The following COL18A1 variants were observed in gnomAD, a reference collection of about 807,000 sequenced individuals.
COL18A1 encodes collagen type XVIII alpha 1 chain, also known as collagen alpha-1(XVIII) chain.
In COL18A1, 133 loss-of-function variants were observed where a neutral mutation model predicts 168.0. That is an observed-to-expected ratio of 0.79 (90% CI 0.69 to 0.91). The LOEUF is 0.91. Ranked by LOEUF, COL18A1 falls within the 40% of genes least tolerant of loss-of-function variation. COL18A1 has a pLI of 0.00. For synonymous variants in COL18A1, 949 were observed against 809.0 expected, an observed-to-expected ratio of 1.17 and a Z score of -2.94; for missense variants, 2,126 against 1,925.4, an observed-to-expected ratio of 1.10 and a Z score of -1.95.
At chr21:45,441,576 C>T (rs973908066) in intron 2 of COL18A1, among the ~76,000 whole-genome samples, 8 of 152,188 alleles carry the variant, frequency 5.3e-5, no homozygotes, top group Non-Finnish European at 1.0e-4. Flanking sequence ...GTTCCCGTCC[C>T]GGGCTGTTCA....
chr21:45,405,320 C>CCTGCGGGGGTCCTGCGG lies in COL18A1; in HGVS notation c.12-59_12-58insCTGCGGGGGTCCTGCGG, dbSNP rs1569270282. Reference sequence around the variant, plus strand: ...GGTCGCGGGGGTCGCGGGGCTCGGCCGGGTCCTGCGGGGGTCGCGGGGGTC... The same window carrying CCTGCGGGGGTCCTGCGG: ...GGTCGCGGGGGTCGCGGGGCTCGGCCCTGCGGGGGTCCTGCGGGGGTCCTGCGGGGGTCGCGGGGGTC... On this transcript the variant is annotated intron_variant, in intron 1 of 41. Transcript: ENST00000651438. 1.4e-3 allele frequency: 553 copies of CCTGCGGGGGTCCTGCGG among 385,564 alleles called. 6 individuals are homozygous for CCTGCGGGGGTCCTGCGG. The African/African-American group carries it at 0.021, about 15-fold the overall frequency. 23.9% of individuals were successfully genotyped at this position (385,564 alleles called of 1,614,324 possible). A position where few individuals can be genotyped will look rare whatever the true frequency, so the allele number is the denominator to read the frequency against.
Position 45,458,807 on chromosome 21 carries a change from AG to A in COL18A1, c.107-9434del, listed in dbSNP as rs1171016828. 5.8e-4 allele frequency among the ~76,000 whole-genome samples: 88 copies of A among 152,142 alleles called. 1 individual carries two copies. The highest frequency in any genetic ancestry group is 3.4e-3 in the Middle Eastern group (1 of 294). ...AGGCCTGCACACCTGACCCTGCCCT[AG>A]CCCTGCCAGCCCGAGACTGTCTGGG... On this transcript the variant is annotated intron_variant, in intron 2 of 41. Coordinates refer to ENST00000651438, the MANE Select transcript of COL18A1 (RefSeq NM_001379500.1).
intron 2 of COL18A1, among the ~76,000 whole-genome samples, chr21:45,461,414 T>C (rs770429711): frequency 5.3e-5 from 8 of 151,834 alleles, no homozygotes; most frequent in Non-Finnish European, 5.9e-5. Context: ...CTGTGCCCCA[T>C]TGCACCCCAC....
chr21:45,498,661 G>A lies in COL18A1; in HGVS notation c.2683+1000G>A, dbSNP rs946336947. On this transcript the variant is annotated intron_variant, in intron 32 of 41. Transcript: ENST00000651438. This position sits in a 1 kb window ranked among gnomAD's most constrained non-coding sequence, Gnocchi z 4.5. Reference sequence around the variant, plus strand: ...AAGCAAGCGGGAAGATGGAAGATGTGCCCATGCCAGCCTTGGATCTCTCAG... The same window carrying A: ...AAGCAAGCGGGAAGATGGAAGATGTACCCATGCCAGCCTTGGATCTCTCAG... The A allele has an allele frequency of 2.6e-5, 18 of 684,626 alleles. No individual in the cohort carries two copies. Among genetic ancestry groups the A allele is most frequent in the Non-Finnish European group, 4.6e-5 (17 of 367,150 alleles). The allele number at this position is 684,626 out of a possible 1,614,324, so 42.4% of individuals were successfully genotyped here. A position where few individuals can be genotyped will look rare whatever the true frequency, so the allele number is the denominator to read the frequency against.
chr21:45,417,660 C>G (rs758010528), intron 2 of COL18A1, among the ~76,000 whole-genome samples: 1 of 152,178 alleles, frequency 6.6e-6, no homozygotes, highest in Non-Finnish European at 1.5e-5. Flanking sequence ...GTGCACCAGG[C>G]CTGTTAATAA....
chr21:45,484,046 G>A (rs2035994497), intron 15 of COL18A1, among the ~76,000 whole-genome samples: 1 of 128,956 alleles, frequency 7.8e-6, no homozygotes, highest in Non-Finnish European at 1.6e-5. Flanking sequence ...CACCTCTCCA[G>A]CATATGTACA....
intron 2 of COL18A1, chr21:45,467,426 G>A (rs1420711479): frequency 4.1e-6 from 4 of 985,398 alleles, no homozygotes; most frequent in South Asian, 4.7e-5. Context: ...TGGCAGGTAC[G>A]TCAGGCATGC....
At position 45,438,182 on chromosome 21, in the gene COL18A1, ACT is replaced by A. The variant is rs1318929394; in HGVS notation, c.107-30058_107-30057del. On this transcript the variant is annotated intron_variant, in intron 2 of 41. Coordinates refer to ENST00000651438, the MANE Select transcript of COL18A1 (RefSeq NM_001379500.1). ...CACTCTCCTGCATACACACACTCAC[ACT>A]CAGACACACAGGCACTCTCCTGCAC... Among the ~76,000 whole-genome samples the A allele has an allele frequency of 2.5e-5, 3 of 120,964 alleles. 1 individual carries two copies. Among genetic ancestry groups the A allele is most frequent in the African/African-American group, 1.1e-4 (3 of 26,580 alleles). The allele number at this position is 120,964 out of a possible 152,430, so 79.4% of individuals were successfully genotyped here. A position where few individuals can be genotyped will look rare whatever the true frequency, so the allele number is the denominator to read the frequency against.
chr21:45,476,921 T>TG (rs2035690262), intron 6 of COL18A1, among the ~76,000 whole-genome samples: 17 of 146,964 alleles, frequency 1.2e-4, no homozygotes, highest in African/African-American at 3.3e-4. Flanking sequence ...ATTATGTGTT[T>TG]TGTGTGTGTG....
At position 45,473,206 on chromosome 21, in the gene COL18A1, G is replaced by T. The variant is rs551362624; in HGVS notation, c.652-689G>T. ...TGTCCTTGCCCAGCATCCCCGGCCT[G>T]CATCTCACCAGGCACCGCCGGCCGC... On this transcript the variant is annotated intron_variant, in intron 3 of 41. Coordinates refer to ENST00000651438, the MANE Select transcript of COL18A1 (RefSeq NM_001379500.1). This position sits in a 1 kb window ranked among gnomAD's most constrained non-coding sequence, Gnocchi z 4.0. Among the ~76,000 whole-genome samples, 3 of 152,344 alleles carry T rather than the reference G, an allele frequency of 2.0e-5. No individual in the cohort carries two copies. Among genetic ancestry groups the T allele is most frequent in the Admixed American group, 2.0e-4 (3 of 15,306 alleles).
intron 2 of COL18A1, among the ~76,000 whole-genome samples, chr21:45,413,028 G>A (rs1250683989): frequency 6.6e-6 from 1 of 152,158 alleles, no homozygotes; most frequent in East Asian, 1.9e-4. Flanking sequence ...GCGTCATGGG[G>A]CCATACAGGA....
chr21:45,473,675 G>A lies in COL18A1; in HGVS notation c.652-220G>A, dbSNP rs1432727165. 3.9e-5 allele frequency among the ~76,000 whole-genome samples: 6 copies of A among 152,230 alleles called. No individual in the cohort carries two copies. Among genetic ancestry groups the A allele is most frequent in the African/African-American group, 9.6e-5 (4 of 41,530 alleles). On this transcript the variant is annotated intron_variant, in intron 3 of 41. Coordinates refer to ENST00000651438, the MANE Select transcript of COL18A1 (RefSeq NM_001379500.1). The surrounding 1 kb of genome is among the most constrained non-coding windows in gnomAD (Gnocchi z 4.0). ...CTGAGGGAGCAGCCTCCGCCCAGCCGGGTGCTTTCCACATGAAAGCGCCCA... is the reference window on the plus strand; with the variant it reads ...CTGAGGGAGCAGCCTCCGCCCAGCCAGGTGCTTTCCACATGAAAGCGCCCA...
rs1556331 is a variant in COL18A1 at position 45,494,662 on chromosome 21, C to A, written c.2379+91C>A. 10,303 of 1,568,552 alleles carry A rather than the reference C, an allele frequency of 6.6e-3. 61 individuals carry two copies. Among genetic ancestry groups the A allele is most frequent in the Non-Finnish European group, 8.2e-3 (9,351 of 1,142,042 alleles). ...CCGCGGCTGCTGAGCTTGTGCTGTG[C>A]GGCCCAGGGCTCATCTCCCTAGTGC... On this transcript the variant is annotated intron_variant, in intron 27 of 41. Transcript: ENST00000651438.
chr21:45,505,544 G>A (rs980774032), intron 36 of COL18A1, 113 bp downstream of exon 36: 6 of 713,558 alleles, frequency 8.4e-6, no homozygotes, highest in Middle Eastern at 3.7e-4. Context: ...TATACAGGAG[G>A]CCAAGATGCG....
chr21:45,512,265 C>A lies in COL18A1; in HGVS notation c.3887C>A (p.Thr1296Lys). ...LTESYCETWR[T>K]EAPSATGQAS... ...GAGAGCTACTGTGAGACGTGGCGGA[C>A]GGAGGCTCCCTCGGCCACGGGCCAG... Residue 1296 changes from threonine (T) to lysine (K), a missense_variant, in exon 42 of 42, where the codon ACG (threonine) becomes AAG (lysine). Physicochemically the swap from Thr to Lys is moderately conservative, Grantham distance 78 (BLOSUM62 -1). Transcript: ENST00000651438. 3 of 1,611,754 alleles carry A rather than the reference C, an allele frequency of 1.9e-6. No individual in the cohort carries two copies. Among genetic ancestry groups the A allele is most frequent in the Non-Finnish European group, 2.5e-6 (3 of 1,179,562 alleles).
chr21:45,448,340 ATATC>A (rs2034546769), intron 2 of COL18A1, among the ~76,000 whole-genome samples: 1 of 152,208 alleles, frequency 6.6e-6, no homozygotes, highest in South Asian at 2.1e-4. Context: ...GCACACAAGA[ATATC>A]TACATGCACC....
intron 17 of COL18A1, chr21:45,487,720 C>G: frequency 1.4e-6 from 1 of 697,084 alleles, no homozygotes; most frequent in Non-Finnish European, 2.6e-6. Context: ...GGGGTGAGGG[C>G]CTGGTCTGCA....
At position 45,509,293 on chromosome 21, in the gene COL18A1, CA is replaced by C. The variant is rs997544021; in HGVS notation, c.3250-62del. On this transcript the variant is annotated intron_variant, in intron 38 of 41. Coordinates refer to ENST00000651438, the MANE Select transcript of COL18A1 (RefSeq NM_001379500.1). ...CTCTCACCCAGCCCAGAGGAGGACA[CA>C]GATGGAGGAGGGGCACCCGGAGGGT... 1.8e-5 allele frequency: 28 copies of C among 1,532,574 alleles called. No homozygotes were observed. In the African/African-American group the frequency reaches 3.7e-4, roughly 20 times the overall value. 94.9% of individuals were successfully genotyped at this position (1,532,574 alleles called of 1,614,324 possible). A position where few individuals can be genotyped will look rare whatever the true frequency, so the allele number is the denominator to read the frequency against.
chr21:45,474,017 T>G, intron 4 of COL18A1, 36 bp downstream of exon 4: 3 of 1,516,190 alleles, frequency 2.0e-6, no homozygotes, highest in Non-Finnish European at 2.7e-6. Flanking sequence ...GGGTCTCCCC[T>G]CAATCCCTGG....
Sources: allele counts gnomAD v4.1 joint callset (sites outside exome capture counted in the v4.1 genomes callset), GRCh38; gene constraint gnomAD v4.1.1; non-coding constraint Gnocchi (gnomAD v3.1); transcripts MANE v1.5; gene names NCBI Gene and HGNC (gene_info 2026-07-23, HGNC 2026-07-21).